Variants in PHACTR4 observed in about 807,000 individuals in gnomAD.
PHACTR4 encodes protein phosphatase 1, regulatory subunit 124.
In PHACTR4, 51 loss-of-function variants were observed where a neutral mutation model predicts 72.7. The ratio of observed to expected loss-of-function variants is 0.70; its 90% CI spans 0.56 to 0.89. The LOEUF is 0.89. Among genes scored for constraint, PHACTR4 ranks in the 40% least tolerant of loss-of-function variants. The pLI, the probability that PHACTR4 is intolerant of heterozygous loss-of-function variation, is 0.00. For synonymous variants in PHACTR4, 255 were observed against 302.5 expected (o/e 0.84, Z 1.63); for missense variants, 731 against 861.8 (o/e 0.85, Z 1.90).
intron 2 of PHACTR4, among the ~76,000 whole-genome samples, chr1:28,430,349 T>C (rs1569924507): frequency 6.6e-6 from 1 of 152,118 alleles, no homozygotes; most frequent in Admixed American, 6.6e-5. Flanking sequence ...AATGGATGGG[T>C]AGGAATTTGC....
chr1:28,380,152 G>T (rs1652047700), intron 1 of PHACTR4, among the ~76,000 whole-genome samples: 1 of 146,176 alleles, frequency 6.8e-6, no homozygotes, highest in African/African-American at 2.6e-5. Context: ...CGCCTCCCAG[G>T]TTCACGCCAT....
chr1:28,439,231 T>C (rs1351538284), intron 2 of PHACTR4, among the ~76,000 whole-genome samples: 1 of 151,058 alleles, frequency 6.6e-6, no homozygotes, highest in African/African-American at 2.4e-5. Context: ...TAAGAAAGAT[T>C]TATACCTTCA....
chr1:28,409,839 T>TC (rs1201703896), intron 2 of PHACTR4, among the ~76,000 whole-genome samples: 1 of 151,746 alleles, frequency 6.6e-6, no homozygotes, highest in Non-Finnish European at 1.5e-5. Flanking sequence ...TGGCTTTCTT[T>TC]CCCCCCTGAA....
At chr1:28,408,207 C>T (rs1039570972) in intron 2 of PHACTR4, among the ~76,000 whole-genome samples, 18 of 152,352 alleles carry the variant, frequency 1.2e-4, no homozygotes, top group African/African-American at 4.3e-4. Flanking sequence ...TAGTTCTGCT[C>T]ATATTTCAGA....
At chr1:28,427,401 C>G (rs1417854227) in intron 2 of PHACTR4, among the ~76,000 whole-genome samples, 1 of 152,112 alleles carries the variant, frequency 6.6e-6, no homozygotes, top group Non-Finnish European at 1.5e-5. Context: ...TGGTGCGCAC[C>G]TGTAATCCCA....
At chr1:28,397,927 A>G (rs1299935057) in intron 1 of PHACTR4, among the ~76,000 whole-genome samples, 1 of 151,682 alleles carries the variant, frequency 6.6e-6, no homozygotes, top group Non-Finnish European at 1.5e-5. Flanking sequence ...TTGGGCCAGG[A>G]TGGTCTTGAT....
chr1:28,379,395 C>T (rs1231310745), intron 1 of PHACTR4, among the ~76,000 whole-genome samples: 2 of 151,308 alleles, frequency 1.3e-5, no homozygotes, highest in East Asian at 3.9e-4. Flanking sequence ...ACCTCAGCCT[C>T]CCGGGTAGCT....
chr1:28,382,721 GTA>G (rs1189381919), intron 1 of PHACTR4, among the ~76,000 whole-genome samples: 1 of 152,102 alleles, frequency 6.6e-6, no homozygotes, highest in Non-Finnish European at 1.5e-5. Context: ...GTTAATTTTT[GTA>G]TATAGAGTAA....
intron 2 of PHACTR4, among the ~76,000 whole-genome samples, chr1:28,415,712 A>T (rs1206800041): frequency 1.3e-5 from 2 of 152,116 alleles, no homozygotes; most frequent in Non-Finnish European, 2.9e-5. Flanking sequence ...GTTTAATGAG[A>T]TGTAGATTAT....
chr1:28,391,011 C>T (rs1652973615), intron 1 of PHACTR4, among the ~76,000 whole-genome samples: 2 of 149,022 alleles, frequency 1.3e-5, no homozygotes, highest in East Asian at 2.0e-4. Flanking sequence ...GGGAAGATCT[C>T]ACCTGAGCCC....
At chr1:28,398,575 T>G (rs929342068) in intron 1 of PHACTR4, among the ~76,000 whole-genome samples, 1 of 150,926 alleles carries the variant, frequency 6.6e-6, no homozygotes, top group Non-Finnish European at 1.5e-5. Context: ...TCCCAGCACT[T>G]TGGGAGGCTA....
chr1:28,371,765 A>T (rs914324909), intron 1 of PHACTR4, among the ~76,000 whole-genome samples: 7 of 152,028 alleles, frequency 4.6e-5, no homozygotes, highest in Non-Finnish European at 8.8e-5. Context: ...AATTAAAAAA[A>T]TTTTTAAAAA....
chr1:28,376,957 G>A (rs1651728343), intron 1 of PHACTR4, among the ~76,000 whole-genome samples: 1 of 149,906 alleles, frequency 6.7e-6, no homozygotes, highest in Non-Finnish European at 1.5e-5. Flanking sequence ...TTTGAAATGA[G>A]TTTTGCTCTT....
chr1:28,438,985 G>A (rs1346919629), intron 2 of PHACTR4, among the ~76,000 whole-genome samples: 2 of 152,146 alleles, frequency 1.3e-5, no homozygotes. Flanking sequence ...CATTTGAAAT[G>A]TTACTAAGGG....
chr1:28,478,472 A>G (rs922831425), intron 8 of PHACTR4, among the ~76,000 whole-genome samples: 19 of 152,028 alleles, frequency 1.2e-4, no homozygotes, highest in African/African-American at 4.3e-4. Flanking sequence ...TCACTCTGTC[A>G]CCAGGCAGGA....
At chr1:28,373,039 C>T (rs1651362063) in intron 1 of PHACTR4, among the ~76,000 whole-genome samples, 1 of 151,984 alleles carries the variant, frequency 6.6e-6, no homozygotes, top group Admixed American at 6.6e-5. Flanking sequence ...CCCACTGTAG[C>T]CTCAACCTCT....
chr1:28,392,053 C>A (rs1324025959), intron 1 of PHACTR4, among the ~76,000 whole-genome samples: 1 of 152,164 alleles, frequency 6.6e-6, no homozygotes, highest in African/African-American at 2.4e-5. Flanking sequence ...AGCGCTCCCC[C>A]TTATCCACAG....
At chr1:28,421,395 T>TG (rs1655501139) in intron 2 of PHACTR4, among the ~76,000 whole-genome samples, 1 of 150,466 alleles carries the variant, frequency 6.6e-6, no homozygotes, top group South Asian at 2.1e-4. Flanking sequence ...GTTTTTTTGT[T>TG]TTTTTTTTTT....
At chr1:28,441,509 GATGTT>G (rs1220760763) in intron 2 of PHACTR4, among the ~76,000 whole-genome samples, 1 of 152,180 alleles carries the variant, frequency 6.6e-6, no homozygotes, top group Non-Finnish European at 1.5e-5. Flanking sequence ...AAATTTATGA[GATGTT>G]ATAACCATAT....
Sources: gnomAD v4.1 joint callset for allele counts (sites outside exome capture counted in the v4.1 genomes callset) on GRCh38, gnomAD v4.1.1 for gene constraint, MANE v1.5 for transcripts, NCBI Gene and HGNC (gene_info 2026-07-23, HGNC 2026-07-21) for gene names.